ARL6IP4: variants seen among roughly 807,000 people sequenced by gnomAD.
ARL6IP4 encodes the protein ARF like GTPase 6 interacting protein 4.
Under a neutral mutation model 28.1 loss-of-function variants are expected in ARL6IP4, and 24 were observed. That is an observed-to-expected ratio of 0.86 (90% CI 0.62 to 1.20). The LOEUF (loss-of-function observed/expected upper bound fraction) is 1.20. ARL6IP4 is among the 50% of genes most tolerant of loss of function. The probability of loss-of-function intolerance (pLI) is 0.00; values close to 1 mark genes in which losing one functional copy is unlikely to be tolerated. For missense variants in ARL6IP4, 343 were observed against 302.4 expected, an observed-to-expected ratio of 1.13 and a Z score of -1.00; for synonymous variants, 162 against 122.3, an observed-to-expected ratio of 1.32 and a Z score of -2.14.
chr12:122,980,357 C>G (rs757335274), upstream of ARL6IP4: 9 of 1,314,778 alleles, frequency 6.8e-6, no homozygotes, highest in Admixed American at 6.1e-5. Flanking sequence ...TCGGAAAGAC[C>G]AGGGCGCCTC....
intron 1 of ARL6IP4, 157 bp downstream of exon 1, chr12:122,980,902 G>A: frequency 1.5e-6 from 2 of 1,359,858 alleles, no homozygotes; most frequent in Admixed American, 3.9e-5. Context: ...GCAGGCGTGG[G>A]GCCTCCGGGC....
rs764523480 is a variant in ARL6IP4 at position 122,982,487 on chromosome 12, C to T, written c.606C>T (p.Gly202=). Residue 202 remains glycine (G), a synonymous_variant, in exon 5 of 6, where the codon GGC becomes GGT. Transcript: ENST00000315580. ...CCCCCAGGCTTATTAAGGGAGATGG[C>T]GAGGTCCTAGAGGAAATCGTAACCA... ...TGRTRLIKGD[G]EVLEEIVTKE... is the part of the protein sequence containing the mutation. 6.2e-6 allele frequency: 10 copies of T among 1,613,756 alleles called. No individual in the cohort carries two copies. The highest frequency in any genetic ancestry group is 2.2e-5 in the South Asian group (2 of 90,990).
chr12:122,982,824 G>A lies in ARL6IP4; in HGVS notation c.*148G>A, dbSNP rs1594109910. The A allele has an allele frequency of 5.9e-6, 5 of 852,910 alleles. No individual in the cohort carries two copies. The East Asian group carries it at 1.1e-4, about 18-fold the overall frequency. The allele number at this position is 852,910 out of a possible 1,614,324, so 52.8% of individuals were successfully genotyped here. On this transcript the variant is annotated 3_prime_UTR_variant, in exon 6 of 6. Transcript: ENST00000315580. ...AGCCCAGTCTCTTCTCAGGGGCAGG[G>A]GGTGGAGGTTGGGGTCACCGGCCTG... is the stretch of plus-strand genomic sequence containing the variant.
intron 2 of ARL6IP4, 81 bp downstream of exon 2, chr12:122,981,380 T>A: frequency 2.0e-6 from 3 of 1,475,596 alleles, no homozygotes. Context: ...GGACGCTCAG[T>A]CATGCCTCTG....
chr12:122,982,589 T>C, intron 5 of ARL6IP4, 31 bp from the exon 6 acceptor site: 4 of 1,614,162 alleles, frequency 2.5e-6, no homozygotes, highest in Non-Finnish European at 3.4e-6. Context: ...GTTTGTGATG[T>C]ACCCCTCCTC....
In ARL6IP4 at chr12:122,981,849, C is replaced by T. The variant is rs544394901; in HGVS notation, c.439C>T (p.Arg147Ter). Residue 147 changes from arginine to a stop codon, truncating the protein, a stop_gained, in exon 3 of 6, where the codon CGA (arginine) becomes TGA (stop). Transcript: ENST00000315580. LOFTEE classifies it high-confidence loss of function. ...GGGCCCCTCGCTGGACCAGTGGCACCGATCAGCTGGGGAGGAAGAGGATGG... is the reference window on the plus strand; with the variant it reads ...GGGCCCCTCGCTGGACCAGTGGCACTGATCAGCTGGGGAGGAAGAGGATGG... ...LPGPSLDQWH[R>*]SAGEEEDGPV... The T allele has an allele frequency of 3.7e-6, 6 of 1,610,242 alleles. No individual in the cohort carries two copies. The African/African-American group carries it at 4.0e-5, about 11-fold the overall frequency.
At chr12:122,981,012 C>T (rs1269508971) in intron 1 of ARL6IP4, 117 bp from the exon 2 acceptor site, 20 of 1,409,594 alleles carry the variant, frequency 1.4e-5, no homozygotes, top group African/African-American at 3.0e-5. Flanking sequence ...CTCATTTTCC[C>T]GGGACGGTGA....
chr12:122,980,285 C>T (rs1164168230), upstream of ARL6IP4: 6 of 1,264,056 alleles, frequency 4.7e-6, no homozygotes, highest in Non-Finnish European at 6.0e-6. Context: ...GCGCTCACTG[C>T]CAAGATCTTT....
chr12:122,981,317 CG>C lies in ARL6IP4; in HGVS notation c.160+22del, dbSNP rs2037640121. On this transcript the variant is annotated intron_variant, in intron 2 of 5. Transcript: ENST00000315580. ...GGCGGAGGGTGAGGACCACAGGCAT[CG>C]GGGAGAGGAGGCGCAGTTACTACCC... The C allele has an allele frequency of 6.5e-7, 1 of 1,533,482 alleles. No individual in the cohort carries two copies. The allele number at this position is 1,533,482 out of a possible 1,614,324, so 95.0% of individuals were successfully genotyped here.
At chr12:122,980,885 C>T (rs935757802) in intron 1 of ARL6IP4, 140 bp downstream of exon 1, 14 of 1,351,430 alleles carry the variant, frequency 1.0e-5, no homozygotes, top group African/African-American at 6.2e-5. Flanking sequence ...GGTTTGGAGC[C>T]GGGTGCGCAG....
rs1224416967 is a variant in ARL6IP4, at chr12:122,981,271, C to T, written c.132C>T (p.Arg44=). Reference sequence around the variant, plus strand: ...GCTCGGCCTCCACATCCCAAGGTCGCAAGGCCAGCACGGCCCCTGGGGCGG... The same window carrying T: ...GCTCGGCCTCCACATCCCAAGGTCGTAAGGCCAGCACGGCCCCTGGGGCGG... ...RNCSASTSQG[R]KASTAPGAEA... Residue 44 remains arginine (R), a synonymous_variant, in exon 2 of 6, where the codon CGC becomes CGT. Transcript: ENST00000315580. 1.3e-6 allele frequency: 2 copies of T among 1,549,550 alleles called. No homozygotes were observed. Among genetic ancestry groups the T allele is most frequent in the Non-Finnish European group, 1.7e-6 (2 of 1,146,424 alleles).
upstream of ARL6IP4, chr12:122,980,488 G>A (rs2037594168): frequency 1.5e-6 from 2 of 1,364,834 alleles, no homozygotes; most frequent in Middle Eastern, 2.3e-4. Flanking sequence ...TGCGCCGAGA[G>A]GGCAGCCTTG....
Position 122,981,947 on chromosome 12 carries a change from T to G in ARL6IP4, c.470-10T>G. On this transcript the variant is annotated splice_polypyrimidine_tract_variant and intron_variant, in intron 3 of 5. Transcript: ENST00000315580. ...CAAGGCCTGGCCACCACCTCCGTCT[T>G]CCCTTCCAGTCCTGACGGATGAGCA... is the stretch of plus-strand genomic sequence containing the variant. 1 of 1,613,458 alleles carries G rather than the reference T, an allele frequency of 6.2e-7. No homozygotes were observed. Among genetic ancestry groups the G allele is most frequent in the Non-Finnish European group, 8.5e-7 (1 of 1,179,946 alleles).
At position 122,982,519 on chromosome 12, in the gene ARL6IP4, G is replaced by A. The variant is rs373881469; in HGVS notation, c.638G>A (p.Arg213Gln). 82 of 1,613,976 alleles carry A rather than the reference G, an allele frequency of 5.1e-5. No individual in the cohort carries two copies. Among genetic ancestry groups the A allele is most frequent in the Non-Finnish European group, 6.3e-5 (74 of 1,180,020 alleles). ...EVLEEIVTKE[R>Q]HREINKQATR... ...CTAGAGGAAATCGTAACCAAAGAAC[G>A]ACACAGAGAGATCAACAAGGTGGGT... Residue 213 changes from arginine (R) to glutamine (Q), a missense_variant, in exon 5 of 6, where the codon CGA becomes CAA. Arg to Gln is a conservative substitution (Grantham distance 43, BLOSUM62 1). Transcript: ENST00000315580.
At chr12:122,982,560 G>A in intron 5 of ARL6IP4, 22 bp downstream of exon 5, 1 of 1,614,146 alleles carries the variant, frequency 6.2e-7, no homozygotes, top group South Asian at 1.1e-5. Flanking sequence ...CCCTCTGCCT[G>A]CCATCCGCCC....
chr12:122,981,275 G>C lies in ARL6IP4; in HGVS notation c.136G>C (p.Ala46Pro). Residue 46 changes from alanine to proline, a missense_variant, in exon 2 of 6, where the codon GCC becomes CCC. Physicochemically the swap from Ala to Pro is conservative, Grantham distance 27 (BLOSUM62 -1). Coordinates refer to ENST00000315580, the MANE Select transcript of ARL6IP4 (RefSeq NM_018694.4). ...GGCCTCCACATCCCAAGGTCGCAAG[G>C]CCAGCACGGCCCCTGGGGCGGAGGG... is the stretch of plus-strand genomic sequence containing the variant. ...CSASTSQGRK[A>P]STAPGAEASP... The C allele has an allele frequency of 6.5e-7, 1 of 1,549,320 alleles. No individual in the cohort carries two copies. Among genetic ancestry groups the C allele is most frequent in the Non-Finnish European group, 8.7e-7 (1 of 1,146,192 alleles).
chr12:122,982,880 T>A lies in ARL6IP4; in HGVS notation c.*204T>A. 1 of 612,540 alleles carries A rather than the reference T, an allele frequency of 1.6e-6. No individual in the cohort carries two copies. Among genetic ancestry groups the A allele is most frequent in the Non-Finnish European group, 2.9e-6 (1 of 346,754 alleles). 37.9% of individuals were successfully genotyped at this position (612,540 alleles called of 1,614,324 possible). On this transcript the variant is annotated 3_prime_UTR_variant, in exon 6 of 6. Transcript: ENST00000315580. ...CACCCCCATCTGAAAGAGCAGCACT[T>A]CTCAGCTATTAAAGGCCCCCTGGAT... is the stretch of plus-strand genomic sequence containing the variant.
chr12:122,982,274 C>A, intron 4 of ARL6IP4, 195 bp from the exon 5 acceptor site: 5 of 801,464 alleles, frequency 6.2e-6, no homozygotes, highest in South Asian at 1.7e-5. Context: ...CTGTTGTTGG[C>A]CGGGCTGAGG....
chr12:122,981,920 C>A (rs1243247743), intron 3 of ARL6IP4, 37 bp from the exon 4 acceptor site: 2 of 1,613,630 alleles, frequency 1.2e-6, no homozygotes, highest in Non-Finnish European at 1.7e-6. Context: ...AAGGTCGCTT[C>A]CCAAGGCCTG....
Sources: gnomAD v4.1 joint callset for allele counts on GRCh38, gnomAD v4.1.1 for gene constraint, MANE v1.5 for transcripts, NCBI Gene and HGNC (gene_info 2026-07-23, HGNC 2026-07-21) for gene names.